SRFBP1: variants seen among roughly 807,000 people sequenced by gnomAD.
SRFBP1 encodes serum response factor-binding protein 1.
SRFBP1 carries 47 observed loss-of-function variants against 45.5 expected under a neutral mutation model. That is an observed-to-expected ratio of 1.03 (90% CI 0.82 to 1.32). The LOEUF (loss-of-function observed/expected upper bound fraction) is 1.32, where lower values mean the gene tolerates loss of function less well. Ranked by LOEUF, SRFBP1 falls within the 40% of genes most tolerant of loss-of-function variation. The probability of loss-of-function intolerance (pLI) is 0.00; values close to 1 mark genes in which losing one functional copy is unlikely to be tolerated. For missense variants in SRFBP1, 621 were observed against 484.6 expected, an observed-to-expected ratio of 1.28 and a Z score of -2.64; for synonymous variants, 203 against 166.3, an observed-to-expected ratio of 1.22 and a Z score of -1.70.
intron 3 of SRFBP1, among the ~76,000 whole-genome samples, chr5:121,978,637 G>C (rs1234172860): frequency 6.6e-6 from 1 of 151,996 alleles, no homozygotes; most frequent in Non-Finnish European, 1.5e-5. Context: ...GACTACAGTT[G>C]CCTGCCATCA....
At chr5:121,976,580 A>G (rs1236297133) in intron 3 of SRFBP1, among the ~76,000 whole-genome samples, 3 of 151,648 alleles carry the variant, frequency 2.0e-5, no homozygotes, top group African/African-American at 7.2e-5. Flanking sequence ...TCTCTTAACC[A>G]AGGTTCTTAC....
intron 3 of SRFBP1, among the ~76,000 whole-genome samples, chr5:121,977,420 A>G (rs967093579): frequency 3.3e-5 from 5 of 152,138 alleles, no homozygotes; most frequent in African/African-American, 7.2e-5. Context: ...GAAAGACTAT[A>G]TATTTGCTGT....
chr5:122,048,377 G>T (rs181138623), intron 2 of SRFBP1, among the ~76,000 whole-genome samples: 6 of 152,172 alleles, frequency 3.9e-5, no homozygotes, highest in Admixed American at 6.5e-5. Flanking sequence ...AACCAGCCTT[G>T]CATCCCAGGG....
chr5:122,011,700 A>G (rs957499378), intron 4 of SRFBP1, among the ~76,000 whole-genome samples: 3 of 152,186 alleles, frequency 2.0e-5, no homozygotes, highest in Non-Finnish European at 2.9e-5. Context: ...TGTGTAAGAC[A>G]GTGTCTTCAC....
chr5:122,030,391 A>T (rs1429673486), downstream of SRFBP1, among the ~76,000 whole-genome samples: 1 of 152,174 alleles, frequency 6.6e-6, no homozygotes, highest in Non-Finnish European at 1.5e-5. Context: ...TCATAGTGCA[A>T]ACCAGCAGCC....
intron 2 of SRFBP1, among the ~76,000 whole-genome samples, chr5:122,056,360 T>C: frequency 6.6e-6 from 1 of 152,152 alleles, no homozygotes; most frequent in East Asian, 1.9e-4. Flanking sequence ...AACAATCAAA[T>C]AAATACTAAA....
intron 3 of SRFBP1, among the ~76,000 whole-genome samples, chr5:121,983,150 G>GT (rs140629182): frequency 0.056 from 8,354 of 149,172 alleles, 322 homozygotes; most frequent in Non-Finnish European, 0.084. Flanking sequence ...TGTTCTTTTT[G>GT]TTTTTTTTTC....
intron 2 of SRFBP1, among the ~76,000 whole-genome samples, chr5:122,043,384 T>C (rs1235284999): frequency 6.6e-6 from 1 of 151,862 alleles, no homozygotes; most frequent in African/African-American, 2.4e-5. Flanking sequence ...CCCGGCTAGG[T>C]TTTGTATTTT....
chr5:122,053,997 G>A (rs1754034742), intron 2 of SRFBP1, among the ~76,000 whole-genome samples: 1 of 152,170 alleles, frequency 6.6e-6, no homozygotes, highest in Non-Finnish European at 1.5e-5. Context: ...CCAAGTTCAG[G>A]CTGAATCAGA....
At chr5:122,033,729 G>A (rs1300108453) in intron 2 of SRFBP1, among the ~76,000 whole-genome samples, 2 of 151,356 alleles carry the variant, frequency 1.3e-5, no homozygotes, top group Admixed American at 1.3e-4. Context: ...AGAGCGCTGG[G>A]ATTACATGTG....
At chr5:122,031,060 G>A (rs1323755013), downstream of SRFBP1, among the ~76,000 whole-genome samples, 1 of 152,154 alleles carries the variant, frequency 6.6e-6, no homozygotes, top group Non-Finnish European at 1.5e-5. Context: ...CTGTTAACTT[G>A]TGGCTAAGTA....
intron 3 of SRFBP1, among the ~76,000 whole-genome samples, chr5:121,985,036 A>G (rs2112828810): frequency 6.6e-6 from 1 of 152,004 alleles, no homozygotes; most frequent in Non-Finnish European, 1.5e-5. Flanking sequence ...CTCAACAAAA[A>G]TATATGTCTA....
intron 5 of SRFBP1, 118 bp downstream of exon 5, chr5:122,019,459 T>C (rs1753258208): frequency 1.2e-6 from 1 of 811,258 alleles, no homozygotes; most frequent in South Asian, 2.1e-5. Context: ...CTTTCAAATA[T>C]TTACCAGTGT....
rs1425170333 is a variant in SRFBP1 at position 121,995,105 on chromosome 5, C to T, written c.270+435C>T. ...CCACTGTCAACATTAGACAGATCAA[C>T]GAGACAGAAAGTCAACAAGGATACC... On this transcript the variant is annotated intron_variant, in intron 4 of 7. Coordinates refer to ENST00000339397, the MANE Select transcript of SRFBP1 (RefSeq NM_152546.3). 4.6e-5 allele frequency among the ~76,000 whole-genome samples: 7 copies of T among 151,462 alleles called. No homozygotes were observed. The East Asian group carries it at 5.8e-4, about 13-fold the overall frequency.
chr5:121,992,549 C>T (rs893516168), intron 3 of SRFBP1, among the ~76,000 whole-genome samples: 12 of 152,048 alleles, frequency 7.9e-5, no homozygotes, highest in Admixed American at 7.9e-4. Flanking sequence ...TCAGCAAAGT[C>T]CCTTCTGCCA....
chr5:122,014,448 C>T (rs1404146049), intron 4 of SRFBP1, among the ~76,000 whole-genome samples: 2 of 152,058 alleles, frequency 1.3e-5, no homozygotes, highest in Admixed American at 6.6e-5. Flanking sequence ...GATTATGCAA[C>T]ACGGTGGCCC....
chr5:121,976,582 G>A (rs1287110134), intron 3 of SRFBP1, among the ~76,000 whole-genome samples: 4 of 151,182 alleles, frequency 2.6e-5, no homozygotes, highest in African/African-American at 7.3e-5. Context: ...TCTTAACCAA[G>A]GTTCTTACTA....
intron 2 of SRFBP1, 37 bp downstream of exon 2, chr5:121,974,321 A>G: frequency 1.4e-6 from 2 of 1,455,598 alleles, no homozygotes; most frequent in South Asian, 1.2e-5. Flanking sequence ...TGACTAATAA[A>G]ATGTCAAAAG....
At chr5:121,972,698 A>T (rs1402701140) in intron 1 of SRFBP1, among the ~76,000 whole-genome samples, 1 of 151,862 alleles carries the variant, frequency 6.6e-6, no homozygotes, top group African/African-American at 2.4e-5. Flanking sequence ...GGTCCTAATG[A>T]AGTCAAAGAT....
Sources: gnomAD v4.1 joint callset for allele counts (sites outside exome capture counted in the v4.1 genomes callset) on GRCh38, gnomAD v4.1.1 for gene constraint, MANE v1.5 for transcripts, NCBI Gene and HGNC (gene_info 2026-07-23, HGNC 2026-07-21) for gene names.